EBF1: variants seen among roughly 807,000 people sequenced by gnomAD.
EBF1 encodes EBF transcription factor 1.
In EBF1, 10 loss-of-function variants were observed where a neutral mutation model predicts 68.4. The ratio of observed to expected loss-of-function variants is 0.15; its 90% CI spans 0.09 to 0.25. The LOEUF (loss-of-function observed/expected upper bound fraction) is 0.25, where lower values mean the gene tolerates loss of function less well. EBF1 is among the 10% of genes least tolerant of loss of function. The pLI is 1.00. For synonymous variants in EBF1, 298 were observed against 299.8 expected, an observed-to-expected ratio of 0.99 and a Z score of 0.06; for missense variants, 509 against 794.4, an observed-to-expected ratio of 0.64 and a Z score of 4.32.
chr5:158,973,434 T>C (rs1435077776), intron 6 of EBF1, among the ~76,000 whole-genome samples: 1 of 151,596 alleles, frequency 6.6e-6, no homozygotes, highest in African/African-American at 2.4e-5. Flanking sequence ...TTCTCAGAGG[T>C]TTCCCTCACC....
chr5:158,950,041 A>C (rs1357527080), intron 6 of EBF1, among the ~76,000 whole-genome samples: 1 of 152,196 alleles, frequency 6.6e-6, no homozygotes, highest in Admixed American at 6.5e-5. Context: ...CTGTTCACAG[A>C]TGTTTCCCTA....
At chr5:158,989,123 A>G (rs1186315982) in intron 6 of EBF1, among the ~76,000 whole-genome samples, 2 of 152,198 alleles carry the variant, frequency 1.3e-5, no homozygotes, top group African/African-American at 4.8e-5. Flanking sequence ...GATACCCAGC[A>G]AATCCTCCCA....
At chr5:158,874,808 C>A (rs900643728) in intron 6 of EBF1, among the ~76,000 whole-genome samples, 27 of 151,980 alleles carry the variant, frequency 1.8e-4, no homozygotes, top group Non-Finnish European at 4.0e-4. Flanking sequence ...TGTTTTACAC[C>A]TACAGTAATA....
chr5:158,779,888 T>C (rs1323990336), intron 9 of EBF1, among the ~76,000 whole-genome samples: 1 of 152,218 alleles, frequency 6.6e-6, no homozygotes, highest in Non-Finnish European at 1.5e-5. Context: ...AAACAAATTT[T>C]CATTTACAAT....
intron 6 of EBF1, among the ~76,000 whole-genome samples, chr5:158,957,079 T>C (rs545911065): frequency 5.5e-4 from 83 of 152,276 alleles, no homozygotes; most frequent in African/African-American, 1.9e-3. Context: ...AGCTCCCAAT[T>C]ACTAAGAACT....
intron 10 of EBF1, among the ~76,000 whole-genome samples, chr5:158,756,707 G>A (rs1770177407): frequency 6.6e-6 from 1 of 151,212 alleles, no homozygotes; most frequent in Non-Finnish European, 1.5e-5. Context: ...ATTTAATAAA[G>A]AAATAGATGA....
intron 6 of EBF1, among the ~76,000 whole-genome samples, chr5:159,014,763 T>G (rs1343418031): frequency 2.6e-5 from 4 of 152,216 alleles, no homozygotes. Context: ...GGGTGCTATC[T>G]GTAATATGCA....
intron 4 of EBF1, among the ~76,000 whole-genome samples, chr5:159,089,836 G>A (rs746080798): frequency 6.7e-6 from 1 of 149,178 alleles, no homozygotes; most frequent in African/African-American, 2.5e-5. Flanking sequence ...AAGAAGAAAA[G>A]AAAAGAAAAA....
chr5:158,782,404 A>G (rs1429194587), intron 9 of EBF1, among the ~76,000 whole-genome samples: 1 of 152,110 alleles, frequency 6.6e-6, no homozygotes, highest in African/African-American at 2.4e-5. Context: ...CACATCTGTA[A>G]TCTCAACAGT....
chr5:158,956,581 A>G (rs1052720650), intron 6 of EBF1, among the ~76,000 whole-genome samples: 2 of 152,076 alleles, frequency 1.3e-5, no homozygotes, highest in African/African-American at 4.8e-5. Flanking sequence ...CTTCCAAGTT[A>G]TCTTCAACCA....
chr5:158,774,309 G>T (rs1006931499), intron 10 of EBF1, among the ~76,000 whole-genome samples: 1 of 152,016 alleles, frequency 6.6e-6, no homozygotes, highest in Non-Finnish European at 1.5e-5. Flanking sequence ...CAAAAGGTCT[G>T]CCTTTATTAG....
chr5:158,968,261 G>T (rs12374526), intron 6 of EBF1, among the ~76,000 whole-genome samples: 2 of 152,148 alleles, frequency 1.3e-5, no homozygotes, highest in Admixed American at 1.3e-4. Context: ...GCTCTCAAAA[G>T]GTAGTTAACA....
intron 6 of EBF1, among the ~76,000 whole-genome samples, chr5:158,904,452 C>T (rs1308449345): frequency 6.6e-6 from 1 of 152,178 alleles, no homozygotes; most frequent in African/African-American, 2.4e-5. Flanking sequence ...AGCCCATGAC[C>T]TTTGTTTTAT....
Position 159,068,499 on chromosome 5 carries a change from T to G in EBF1, c.554+4897A>C, listed in dbSNP as rs144598443. On this transcript the variant is annotated intron_variant, in intron 6 of 15. Transcript: ENST00000313708. ...CATATATGTTATATAAATACATTGG[T>G]GTCAATTTAATGAAGAAAATTAGCT... Among the ~76,000 whole-genome samples, 286 of 152,246 alleles carry G rather than the reference T, an allele frequency of 1.9e-3. 3 individuals carry two copies. Among genetic ancestry groups the G allele is most frequent in the African/African-American group, 6.4e-3 (266 of 41,562 alleles).
chr5:159,068,394 G>A (rs576758661), intron 6 of EBF1, among the ~76,000 whole-genome samples: 2 of 151,878 alleles, frequency 1.3e-5, no homozygotes, highest in Non-Finnish European at 2.9e-5. Context: ...TGGATGGATG[G>A]ATGGATGGAT....
chr5:158,885,750 C>T (rs866045375), intron 6 of EBF1, among the ~76,000 whole-genome samples: 7 of 152,130 alleles, frequency 4.6e-5, no homozygotes, highest in African/African-American at 1.4e-4. Context: ...GTCATCCTAC[C>T]AAGTGTCAGA....
chr5:159,098,725 C>G (rs6556386), intron 1 of EBF1, among the ~76,000 whole-genome samples: 143,903 of 150,048 alleles, frequency 0.96, 69,032 homozygotes, highest in Non-Finnish European at 0.97. Flanking sequence ...CAGGAAAGAA[C>G]GAAGAACGAA....
intron 6 of EBF1, among the ~76,000 whole-genome samples, chr5:158,972,978 C>G (rs1755954924): frequency 6.6e-6 from 1 of 152,216 alleles, no homozygotes; most frequent in Non-Finnish European, 1.5e-5. Flanking sequence ...ATCAGTGAGG[C>G]TTTTTCTAGT....
intron 6 of EBF1, among the ~76,000 whole-genome samples, chr5:158,866,057 A>T (rs1795813552): frequency 6.6e-6 from 1 of 152,182 alleles, no homozygotes; most frequent in Non-Finnish European, 1.5e-5. Context: ...ACCCAAATGA[A>T]ACATATTATA....
Sources: allele counts gnomAD v4.1 joint callset (sites outside exome capture counted in the v4.1 genomes callset), GRCh38; gene constraint gnomAD v4.1.1; transcripts MANE v1.5; gene names NCBI Gene and HGNC (gene_info 2026-07-23, HGNC 2026-07-21).